SGK1: variants seen among roughly 807,000 people sequenced by gnomAD.
The protein encoded by SGK1 is serum/glucocorticoid regulated kinase 1.
A neutral mutation model predicts 64.2 loss-of-function variants in SGK1; 26 were observed. The ratio of observed to expected loss-of-function variants is 0.40; its 90% CI spans 0.30 to 0.56. SGK1 has a LOEUF of 0.56. Among genes scored for constraint, SGK1 ranks in the 20% least tolerant of loss-of-function variants. SGK1 has a pLI of 0.38. For missense variants in SGK1, 519 were observed against 645.6 expected (o/e 0.80, Z 2.12); for synonymous variants, 265 against 239.7 (o/e 1.11, Z -0.98).
chr6:134,300,952 G>T (rs1562278947), intron 1 of SGK1, among the ~76,000 whole-genome samples: 1 of 152,112 alleles, frequency 6.6e-6, no homozygotes. Context: ...TATTTTGGAA[G>T]TAAACACAGT....
intron 2 of SGK1, among the ~76,000 whole-genome samples, chr6:134,213,979 T>C (rs1284315737): frequency 6.6e-6 from 1 of 152,210 alleles, no homozygotes; most frequent in Non-Finnish European, 1.5e-5. Flanking sequence ...CTTTAACAAT[T>C]ATCAATATTT....
intron 1 of SGK1, chr6:134,298,048 C>T: frequency 5.5e-6 from 6 of 1,089,798 alleles, no homozygotes; most frequent in Non-Finnish European, 7.1e-6. Context: ...ACAGCTGCCT[C>T]AGGAAGTTGA....
chr6:134,315,858 A>G (rs1777675414), intron 1 of SGK1, among the ~76,000 whole-genome samples: 1 of 152,180 alleles, frequency 6.6e-6, no homozygotes, highest in African/African-American at 2.4e-5. Flanking sequence ...TGGGCAATAT[A>G]GCAAGACCCC....
chr6:134,221,348 A>G (rs1776088016), intron 2 of SGK1, among the ~76,000 whole-genome samples: 1 of 152,124 alleles, frequency 6.6e-6, no homozygotes, highest in Non-Finnish European at 1.5e-5. Context: ...TGAATAATCT[A>G]TATGCAAATA....
chr6:134,277,914 T>C (rs936999618), intron 1 of SGK1, among the ~76,000 whole-genome samples: 2 of 152,210 alleles, frequency 1.3e-5, no homozygotes, highest in African/African-American at 2.4e-5. Flanking sequence ...AAATCTAAGA[T>C]ATAAAAAGGG....
At chr6:134,294,128 T>C (rs1582768855) in intron 1 of SGK1, among the ~76,000 whole-genome samples, 1 of 152,340 alleles carries the variant, frequency 6.6e-6, no homozygotes, top group East Asian at 1.9e-4. Context: ...AAGCCTATCT[T>C]GGCCTCTGAT....
chr6:134,216,729 G>A (rs1775992482), intron 2 of SGK1, among the ~76,000 whole-genome samples: 1 of 152,198 alleles, frequency 6.6e-6, no homozygotes, highest in Non-Finnish European at 1.5e-5. Context: ...TGTTTTGTCA[G>A]AGTTTAAAGA....
Position 134,172,615 on chromosome 6 carries a change from G to C in SGK1, c.947+47C>G, listed in dbSNP as rs1056292099. On this transcript the variant is annotated intron_variant, in intron 9 of 13. Coordinates refer to ENST00000367858, the MANE Select transcript of SGK1 (RefSeq NM_001143676.3). ...GGCCCTATGAAACAGCCAGTGCTAC[G>C]TCTCCTTTATACCAAAACTGGTAGC... 1.5e-5 allele frequency: 19 copies of C among 1,248,364 alleles called. No individual in the cohort carries two copies. In the South Asian group the frequency reaches 2.1e-4, roughly 14 times the overall value. 77.3% of individuals were successfully genotyped at this position (1,248,364 alleles called of 1,614,324 possible). A position where few individuals can be genotyped will look rare whatever the true frequency, so the allele number is the denominator to read the frequency against.
At chr6:134,249,113 A>T (rs1019675039) in intron 2 of SGK1, among the ~76,000 whole-genome samples, 11 of 152,186 alleles carry the variant, frequency 7.2e-5, no homozygotes, top group Non-Finnish European at 1.2e-4. Context: ...GTATTGTACG[A>T]AATCTCAAGC....
At chr6:134,281,973 A>G (rs1312159404) in intron 1 of SGK1, among the ~76,000 whole-genome samples, 3 of 152,194 alleles carry the variant, frequency 2.0e-5, no homozygotes, top group Non-Finnish European at 2.9e-5. Flanking sequence ...ACTGGTTTAA[A>G]AGCAGTTCAA....
chr6:134,177,122 G>C (rs1366425330), intron 3 of SGK1, among the ~76,000 whole-genome samples: 2 of 152,134 alleles, frequency 1.3e-5, no homozygotes, highest in Non-Finnish European at 1.5e-5. Flanking sequence ...GCTGAGGCAG[G>C]AGAATCGCTT....
At chr6:134,191,129 A>G (rs1775502847) in intron 3 of SGK1, among the ~76,000 whole-genome samples, 1 of 152,194 alleles carries the variant, frequency 6.6e-6, no homozygotes, top group African/African-American at 2.4e-5. Context: ...TCATGTGTTT[A>G]TGTGTATAAA....
At position 134,174,006 on chromosome 6, in the gene SGK1, G is replaced by A; in HGVS notation, c.512C>T (p.Pro171Leu). 6.2e-7 allele frequency: 1 copy of A among 1,610,384 alleles called. No homozygotes were observed. The highest frequency in any genetic ancestry group is 8.5e-7 in the Non-Finnish European group (1 of 1,177,356). The change falls in exon 5 of 14, where the codon CCA (proline) becomes CTA (leucine). Residue 171 changes from proline (P) to leucine (L), a missense_variant and splice_region_variant. Pro to Leu is a moderately conservative substitution (Grantham distance 98). Transcript: ENST00000367858. ...PELMNANPSP[P>L]PSPSQQINLG... ...TGCACGGCACATACAAAAACTTACT[G>A]GAGGAGAAGGGTTGGCATTCATAAG...
intron 3 of SGK1, among the ~76,000 whole-genome samples, chr6:134,185,308 C>T (rs550341578): frequency 3.3e-4 from 50 of 152,242 alleles, no homozygotes; most frequent in African/African-American, 1.2e-3. Context: ...CCTGAATGAA[C>T]ATTTAGCACA....
chr6:134,198,726 A>ATTTTTTTTTTTTTTTTTTTTTTTTT (rs1178699258), intron 3 of SGK1, among the ~76,000 whole-genome samples: 1 of 101,780 alleles, frequency 9.8e-6, no homozygotes, highest in Non-Finnish European at 1.9e-5. Flanking sequence ...CTCTTTTTCT[A>ATTTTTTTTTTTTTTTTTTTTTTTTT]TTTTTTTTTT....
intron 2 of SGK1, among the ~76,000 whole-genome samples, chr6:134,234,379 G>A (rs1776333124): frequency 6.6e-6 from 1 of 152,068 alleles, no homozygotes; most frequent in Admixed American, 6.6e-5. Context: ...CTCCAGCCTG[G>A]GCAAGAGAGC....
At chr6:134,180,422 T>C (rs901616677) in intron 3 of SGK1, 2 of 152,228 alleles carry the variant, frequency 1.3e-5, no homozygotes, top group South Asian at 4.1e-4. Context: ...AGGAATTGTA[T>C]GTATGTGACA....
chr6:134,170,596 T>C (rs1324519004), intron 13 of SGK1, 161 bp from the exon 14 acceptor site: 28 of 714,690 alleles, frequency 3.9e-5, no homozygotes. Context: ...CAGTTAAACA[T>C]AAGAATAATG....
At chr6:134,234,005 T>G (rs1776327665) in intron 2 of SGK1, among the ~76,000 whole-genome samples, 1 of 152,218 alleles carries the variant, frequency 6.6e-6, no homozygotes, top group Admixed American at 6.5e-5. Context: ...TAACCTTTAT[T>G]CTTTATAGAC....
Sources: gnomAD v4.1 joint callset for allele counts (sites outside exome capture counted in the v4.1 genomes callset) on GRCh38, gnomAD v4.1.1 for gene constraint, MANE v1.5 for transcripts, NCBI Gene and HGNC (gene_info 2026-07-23, HGNC 2026-07-21) for gene names.